LCP1: variants seen among roughly 807,000 people sequenced by gnomAD.
LCP1 encodes the protein plastin-2.
In LCP1, 23 loss-of-function variants were observed where a neutral mutation model predicts 72.0. The observed-to-expected ratio is 0.32, with a 90% confidence interval of 0.23 to 0.45. The LOEUF is 0.45. Among genes scored for constraint, LCP1 ranks in the 20% least tolerant of loss-of-function variants. The pLI is 1.00. For missense variants in LCP1, 571 were observed against 748.3 expected (o/e 0.76, Z 2.76); for synonymous variants, 245 against 275.4 (o/e 0.89, Z 1.09).
chr13:46,159,553 C>G, intron 2 of LCP1, 46 bp downstream of exon 2: 1 of 1,466,188 alleles, frequency 6.8e-7, no homozygotes, highest in Non-Finnish European at 9.6e-7. Context: ...TGAAGCTACT[C>G]AGTGAAGAAG....
intron 1 of LCP1, among the ~76,000 whole-genome samples, chr13:46,174,150 A>G (rs1268478036): frequency 6.6e-6 from 1 of 152,236 alleles, no homozygotes; most frequent in Non-Finnish European, 1.5e-5. Flanking sequence ...AGAAACTTCT[A>G]TTTATTTGTA....
At chr13:46,146,774 G>T in intron 10 of LCP1, 134 bp downstream of exon 10, 1 of 849,386 alleles carries the variant, frequency 1.2e-6, no homozygotes, top group Admixed American at 2.1e-5. Context: ...TATTCTCTTT[G>T]TTGCATACCA....
At chr13:46,163,172 A>G (rs894049627) in intron 1 of LCP1, among the ~76,000 whole-genome samples, 6 of 152,264 alleles carry the variant, frequency 3.9e-5, no homozygotes, top group Non-Finnish European at 7.3e-5. Context: ...CCAGGATGAC[A>G]ATGGCGGTTT....
intron 6 of LCP1, chr13:46,153,408 A>T (rs918276501): frequency 6.5e-6 from 1 of 152,790 alleles, no homozygotes; most frequent in Non-Finnish European, 1.5e-5. Flanking sequence ...TTGGGTGTTA[A>T]GAAAATGAAA....
intron 10 of LCP1, among the ~76,000 whole-genome samples, chr13:46,145,097 G>A (rs986742818): frequency 6.6e-6 from 1 of 152,224 alleles, no homozygotes; most frequent in Non-Finnish European, 1.5e-5. Context: ...TTGGTCAGGG[G>A]TGTGTGTTGT....
intron 1 of LCP1, among the ~76,000 whole-genome samples, chr13:46,160,322 G>A (rs969186846): frequency 6.6e-6 from 1 of 152,156 alleles, no homozygotes; most frequent in African/African-American, 2.4e-5. Context: ...AAAGAACAGA[G>A]AAGACAAAAC....
chr13:46,151,128 A>T, intron 7 of LCP1, 50 bp from the exon 8 acceptor site: 2 of 1,546,018 alleles, frequency 1.3e-6, no homozygotes, highest in Admixed American at 6.0e-5. Flanking sequence ...ATGTTGGGGG[A>T]GGGGGGTTGG....
chr13:46,146,690 C>T (rs1429540468), intron 10 of LCP1, among the ~76,000 whole-genome samples: 7 of 152,124 alleles, frequency 4.6e-5, no homozygotes, highest in African/African-American at 9.7e-5. Context: ...AATGGATGAA[C>T]GCTTTGTTAA....
intron 4 of LCP1, among the ~76,000 whole-genome samples, chr13:46,157,655 G>A (rs73189829): frequency 0.019 from 2,905 of 151,108 alleles, 35 homozygotes; most frequent in Middle Eastern, 0.056. Context: ...ATTTGACCCA[G>A]CAAAGGTTCT....
At chr13:46,127,793 C>T (rs776240623) in intron 15 of LCP1, 70 bp from the exon 16 acceptor site, 14 of 1,562,504 alleles carry the variant, frequency 9.0e-6, no homozygotes, top group Non-Finnish European at 1.1e-5. Flanking sequence ...CCTGGAGGGT[C>T]ACAGTCACAG....
intron 13 of LCP1, among the ~76,000 whole-genome samples, chr13:46,140,371 C>T (rs544797575): frequency 6.6e-6 from 1 of 152,246 alleles, no homozygotes; most frequent in East Asian, 1.9e-4. Flanking sequence ...TTTGTTCCCA[C>T]CAGCTGGAGT....
At chr13:46,174,193 G>A (rs2138283931) in intron 1 of LCP1, among the ~76,000 whole-genome samples, 1 of 152,218 alleles carries the variant, frequency 6.6e-6, no homozygotes, top group South Asian at 2.1e-4. Flanking sequence ...AGGCTTCTTG[G>A]ATTTTAGAAT....
chr13:46,163,644 A>C (rs1441190936), intron 1 of LCP1, among the ~76,000 whole-genome samples: 5 of 151,496 alleles, frequency 3.3e-5, no homozygotes, highest in Non-Finnish European at 7.4e-5. Context: ...AAAAAAAAAA[A>C]AAAAAAAACA....
intron 1 of LCP1, chr13:46,168,366 C>G (rs1194490119): frequency 2.6e-5 from 4 of 152,212 alleles, no homozygotes; most frequent in African/African-American, 9.7e-5. Flanking sequence ...AGCTTTGGCT[C>G]GGAGGTGCCT....
At chr13:46,142,704 A>C in intron 12 of LCP1, 5 of 540,484 alleles carry the variant, frequency 9.3e-6, no homozygotes, top group South Asian at 7.7e-5. Flanking sequence ...GCAGAAATGG[A>C]GAGCCATCCT....
At chr13:46,181,904 C>A (rs2045957789) in intron 1 of LCP1, among the ~76,000 whole-genome samples, 1 of 152,146 alleles carries the variant, frequency 6.6e-6, no homozygotes, top group East Asian at 1.9e-4. Flanking sequence ...GAACCCAGCC[C>A]AGAGAGCCGA....
chr13:46,138,571 A>C (rs1321900727), intron 13 of LCP1, among the ~76,000 whole-genome samples: 2 of 152,196 alleles, frequency 1.3e-5, no homozygotes, highest in African/African-American at 4.8e-5. Context: ...ATTTTTATAA[A>C]ACATCCAAAG....
At position 46,151,048 on chromosome 13, in the gene LCP1, C is replaced by T. The variant is rs149807920; in HGVS notation, c.770G>A (p.Ser257Asn). 6.7e-4 allele frequency: 1,087 copies of T among 1,613,806 alleles called. 10 individuals carry two copies. The highest frequency in any genetic ancestry group is 2.0e-3 in the East Asian group (90 of 44,874). Residue 257 changes from serine (S) to asparagine (N), a missense_variant, in exon 8 of 16, where the codon AGC becomes AAC. Transcript: ENST00000323076. ...ALIALLREGE[S>N]LEDLMKLSPE... ...GGAGAGTTTCATCAAATCCTCCAGG[C>T]TCTCACCTTCTCTCAAAAGAGCAAT...
intron 1 of LCP1, among the ~76,000 whole-genome samples, chr13:46,171,361 C>T (rs1029167851): frequency 5.6e-4 from 85 of 152,138 alleles, no homozygotes; most frequent in African/African-American, 1.9e-3. Flanking sequence ...AAGCTCTGAC[C>T]TCATGTTAAT....
Sources: gnomAD v4.1 joint callset for allele counts (sites outside exome capture counted in the v4.1 genomes callset) on GRCh38, gnomAD v4.1.1 for gene constraint, MANE v1.5 for transcripts, NCBI Gene and HGNC (gene_info 2026-07-23, HGNC 2026-07-21) for gene names.